Variants in COLQ observed in about 807,000 individuals in gnomAD.
COLQ encodes acetylcholinesterase collagenic tail peptide.
COLQ carries 48 observed loss-of-function variants against 69.0 expected under a neutral mutation model. That is an observed-to-expected ratio of 0.70 (90% CI 0.55 to 0.88). The LOEUF is 0.88. COLQ is among the 40% of genes least tolerant of loss of function. COLQ has a pLI of 0.00. For missense variants in COLQ, 618 were observed against 594.6 expected (o/e 1.04, Z -0.41); for synonymous variants, 217 against 211.2 (o/e 1.03, Z -0.24).
In COLQ at chr3:15,450,653, T is replaced by C. The variant is rs932153956; in HGVS notation, c.*991A>G. On this transcript the variant is annotated 3_prime_UTR_variant, in exon 17 of 17. Coordinates refer to ENST00000383788, the MANE Select transcript of COLQ (RefSeq NM_005677.4). ...ACATGAAAGAAATGCCACGGGACGC[T>C]GTCAGGGGTCAGCAGGAGGCAAAGA... 22 of 153,056 alleles carry C rather than the reference T, an allele frequency of 1.4e-4. No homozygotes were observed. Among genetic ancestry groups the C allele is most frequent in the Non-Finnish European group, 3.1e-4 (21 of 68,150 alleles). The allele number at this position is 153,056 out of a possible 1,614,324, so 9.5% of individuals were successfully genotyped here.
At chr3:15,477,299 A>G in intron 5 of COLQ, 102 bp from the exon 6 acceptor site, 2 of 1,045,170 alleles carry the variant, frequency 1.9e-6, no homozygotes, top group Non-Finnish European at 2.9e-6. Flanking sequence ...TGGGTTCTCT[A>G]GGCATGGCTA....
chr3:15,498,511 C>G, intron 1 of COLQ: 1 of 1,551,484 alleles, frequency 6.4e-7, no homozygotes, highest in East Asian at 2.4e-5. Context: ...ACACAACTCA[C>G]CCAAGCAGCC....
In COLQ at chr3:15,493,904, G is replaced by A. The variant is rs114358793; in HGVS notation, c.107-4267C>T. ...TTCAAGACCAGCCTGACCAAATGGCGAAACCCCGTGTCTACTAAAAACACA... is the reference window on the plus strand; with the variant it reads ...TTCAAGACCAGCCTGACCAAATGGCAAAACCCCGTGTCTACTAAAAACACA... On this transcript the variant is annotated intron_variant, in intron 1 of 16. Transcript: ENST00000383788. Among the ~76,000 whole-genome samples, 1,215 of 152,336 alleles carry A rather than the reference G, an allele frequency of 8.0e-3. 14 individuals are homozygous for A. The highest frequency in any genetic ancestry group is 0.027 in the African/African-American group (1,137 of 41,578).
intron 15 of COLQ, 86 bp downstream of exon 15, chr3:15,455,813 C>T (rs2062015238): frequency 6.3e-7 from 1 of 1,576,998 alleles, no homozygotes; most frequent in African/African-American, 1.4e-5. Context: ...GGTCCCAAAG[C>T]ACCACAGCTG....
At chr3:15,463,423 T>TG (rs570744933) in intron 12 of COLQ, among the ~76,000 whole-genome samples, 148 of 152,182 alleles carry the variant, frequency 9.7e-4, no homozygotes, top group Middle Eastern at 3.4e-3. Context: ...CTTGGCTTAC[T>TG]GCAAGCTCCG....
intron 1 of COLQ, among the ~76,000 whole-genome samples, chr3:15,490,999 C>A (rs1437537584): frequency 1.3e-5 from 2 of 151,982 alleles, no homozygotes; most frequent in African/African-American, 4.8e-5. Context: ...GGGCATTGGC[C>A]AGGACCATAT....
At chr3:15,508,379 C>A (rs1025372906) in intron 1 of COLQ, among the ~76,000 whole-genome samples, 5 of 152,292 alleles carry the variant, frequency 3.3e-5, no homozygotes, top group African/African-American at 1.2e-4. Flanking sequence ...AACTGAAGCT[C>A]AAATAAGTGC....
In COLQ at chr3:15,479,009, G is replaced by A. The variant is rs1033371045; in HGVS notation, c.367-6C>T. ...CCTGGTCGGCCAAGCTCCCCCTATG[G>A]ATGGAGAAGACAGGTAAGGAGAGGC... On this transcript the variant is annotated splice_region_variant and splice_polypyrimidine_tract_variant and intron_variant, in intron 4 of 16. Coordinates refer to ENST00000383788, the MANE Select transcript of COLQ (RefSeq NM_005677.4). 2 of 1,614,048 alleles carry A rather than the reference G, an allele frequency of 1.2e-6. No individual in the cohort carries two copies. Among genetic ancestry groups the A allele is most frequent in the African/African-American group, 2.7e-5 (2 of 74,914 alleles).
intron 1 of COLQ, among the ~76,000 whole-genome samples, chr3:15,494,937 CACAGCA>C (rs1483109441): frequency 6.6e-6 from 1 of 152,202 alleles, no homozygotes; most frequent in Non-Finnish European, 1.5e-5. Context: ...ACCTAATCCT[CACAGCA>C]ACCCTAAGAG....
intron 5 of COLQ, 139 bp downstream of exon 5, chr3:15,478,838 G>T: frequency 9.8e-7 from 1 of 1,023,590 alleles, no homozygotes; most frequent in Non-Finnish European, 1.5e-6. Flanking sequence ...TGTCACCATC[G>T]AGACAGCAGC....
chr3:15,476,054 T>C (rs968341475), intron 6 of COLQ, among the ~76,000 whole-genome samples: 3 of 152,258 alleles, frequency 2.0e-5, no homozygotes, highest in African/African-American at 4.8e-5. Flanking sequence ...TTAATTTTAA[T>C]AGATCTCCTT....
At chr3:15,517,772 T>G (rs1019382993) in intron 1 of COLQ, among the ~76,000 whole-genome samples, 5 of 152,222 alleles carry the variant, frequency 3.3e-5, no homozygotes, top group South Asian at 4.1e-4. Flanking sequence ...GAAATCATTC[T>G]AATATATAAA....
At position 15,479,335 on chromosome 3, in the gene COLQ, T is replaced by A. The variant is rs567981038; in HGVS notation, c.366+3A>T. 1 of 1,613,878 alleles carries A rather than the reference T, an allele frequency of 6.2e-7. No homozygotes were observed. The highest frequency in any genetic ancestry group is 1.7e-5 in the Admixed American group (1 of 60,034). ...AAGGGTTGAAGAAAGTAGTGGTCCA[T>A]ACCTTTTCTCCCTTTGGTCCTGTCT... On this transcript the variant is annotated splice_donor_region_variant and intron_variant, in intron 4 of 16. Transcript: ENST00000383788.
At chr3:15,457,513 A>C (rs1229809835) in intron 13 of COLQ, among the ~76,000 whole-genome samples, 1 of 152,154 alleles carries the variant, frequency 6.6e-6, no homozygotes, top group Non-Finnish European at 1.5e-5. Flanking sequence ...TCATTACACT[A>C]TTTGTTCTGC....
rs746832080 is a variant in COLQ, at chr3:15,451,653, G to C, written c.1359C>G (p.Tyr453Ter). 1 of 1,614,102 alleles carries C rather than the reference G, an allele frequency of 6.2e-7. No homozygotes were observed. Among genetic ancestry groups the C allele is most frequent in the African/African-American group, 1.3e-5 (1 of 74,940 alleles). The change falls in exon 17 of 17, where the codon TAC becomes TAG. Residue 453 changes from tyrosine to a stop codon, truncating the protein, a stop_gained. Coordinates refer to ENST00000383788, the MANE Select transcript of COLQ (RefSeq NM_005677.4). LOFTEE classifies it high-confidence loss of function. Reference protein sequence around the residue: ...YCYIDSTPCRYFT With the variant: ...YCYIDSTPCR ...CTTCTCCTCACGGCCCTCAGGTGAA[G>C]TAGCGGCAGGGCGTGGAGTCGATGT...
intron 3 of COLQ, 62 bp downstream of exon 3, chr3:15,488,144 T>A: frequency 8.4e-7 from 1 of 1,188,820 alleles, no homozygotes; most frequent in Non-Finnish European, 1.2e-6. Flanking sequence ...AGAGGCTCTG[T>A]GCAGTGGGCT....
intron 15 of COLQ, 45 bp downstream of exon 15, chr3:15,455,854 C>T (rs571916975): frequency 3.1e-6 from 5 of 1,612,982 alleles, no homozygotes; most frequent in Non-Finnish European, 4.2e-6. Flanking sequence ...GTCCCACCCC[C>T]CTGCTGTTCA....
rs376573608 is a variant in COLQ at position 15,486,114 on chromosome 3, G to A, written c.321+2092C>T. Reference sequence around the variant, plus strand: ...TATTCACCTTCTATTTTTGGATAGGGAAGAGGAGGGTTTTCATTCCAATCT... The same window carrying A: ...TATTCACCTTCTATTTTTGGATAGGAAAGAGGAGGGTTTTCATTCCAATCT... On this transcript the variant is annotated intron_variant, in intron 3 of 16. Transcript: ENST00000383788. Among the ~76,000 whole-genome samples, 281 of 152,300 alleles carry A rather than the reference G, an allele frequency of 1.8e-3. 1 individual carries two copies. Among genetic ancestry groups the A allele is most frequent in the African/African-American group, 6.5e-3 (270 of 41,554 alleles).
chr3:15,456,424 C>T (rs770907653), intron 14 of COLQ, 36 bp downstream of exon 14: 1 of 1,612,786 alleles, frequency 6.2e-7, no homozygotes, highest in Non-Finnish European at 8.5e-7. Flanking sequence ...CTCTCCTGGG[C>T]AGGGAGTATG....
Sources: allele counts gnomAD v4.1 joint callset (sites outside exome capture counted in the v4.1 genomes callset), GRCh38; gene constraint gnomAD v4.1.1; transcripts MANE v1.5; gene names NCBI Gene and HGNC (gene_info 2026-07-23, HGNC 2026-07-21).